Variants in DPP6 observed in about 807,000 individuals in gnomAD.
The protein encoded by DPP6 is A-type potassium channel modulatory protein DPP6.
Under a neutral mutation model 122.6 loss-of-function variants are expected in DPP6, and 69 were observed. That is an observed-to-expected ratio of 0.56 (90% confidence interval 0.46 to 0.69). The LOEUF (loss-of-function observed/expected upper bound fraction) is 0.69, where lower values mean the gene tolerates loss of function less well. Among genes scored for constraint, DPP6 ranks in the 30% least tolerant of loss-of-function variants. DPP6 has a pLI of 0.00. For synonymous variants in DPP6, 418 were observed against 433.1 expected, an observed-to-expected ratio of 0.97 and a Z score of 0.43; for missense variants, 928 against 1,116.9, an observed-to-expected ratio of 0.83 and a Z score of 2.41.
intron 7 of DPP6, among the ~76,000 whole-genome samples, chr7:154,698,422 G>A (rs908702756): frequency 2.6e-4 from 40 of 152,082 alleles, no homozygotes; most frequent in Admixed American, 2.2e-3. Context: ...GTATATTTGC[G>A]AATTGTCGTC....
intron 4 of DPP6, among the ~76,000 whole-genome samples, chr7:154,555,477 A>C (rs574558538): frequency 6.6e-6 from 1 of 151,778 alleles, no homozygotes; most frequent in Non-Finnish European, 1.5e-5. Context: ...GGGGTGGGGG[A>C]AGGGGGGACG....
the DPP6 span, among the ~76,000 whole-genome samples, chr7:153,758,981 T>G: frequency 6.6e-6 from 1 of 152,062 alleles, no homozygotes; most frequent in Non-Finnish European, 1.5e-5. Context: ...TTTTAGAATT[T>G]TATATTTCTA....
At chr7:154,023,345 C>CACACAT (rs1215219009) in intron 1 of DPP6, among the ~76,000 whole-genome samples, 1 of 151,846 alleles carries the variant, frequency 6.6e-6, no homozygotes, top group Non-Finnish European at 1.5e-5. Flanking sequence ...CACACACACA[C>CACACAT]ACACACACAC....
intron 1 of DPP6, among the ~76,000 whole-genome samples, chr7:154,015,063 A>G (rs1563101760): frequency 1.3e-5 from 2 of 152,136 alleles, no homozygotes; most frequent in Non-Finnish European, 2.9e-5. Context: ...ATGAAATGAG[A>G]AAGTAAGAAG....
chr7:154,445,398 C>T (rs996328855), intron 1 of DPP6, among the ~76,000 whole-genome samples: 4 of 152,270 alleles, frequency 2.6e-5, no homozygotes, highest in East Asian at 1.9e-4. Flanking sequence ...ATCACAGTTT[C>T]GACTAAAAGT....
intron 7 of DPP6, among the ~76,000 whole-genome samples, chr7:154,689,906 T>G (rs35112847): frequency 0.053 from 8,120 of 152,274 alleles, 297 homozygotes; most frequent in African/African-American, 0.1. Context: ...CCCATGCATT[T>G]TCTTTATTTG....
At chr7:154,339,946 G>C (rs1411348347) in intron 1 of DPP6, among the ~76,000 whole-genome samples, 1 of 152,000 alleles carries the variant, frequency 6.6e-6, no homozygotes, top group African/African-American at 2.4e-5. Context: ...GGGTGCACAC[G>C]CCTGTAATTC....
intron 7 of DPP6, among the ~76,000 whole-genome samples, chr7:154,707,645 T>C (rs553379286): frequency 6.6e-6 from 1 of 152,298 alleles, no homozygotes; most frequent in African/African-American, 2.4e-5. Flanking sequence ...AAACCTCTCA[T>C]TGATCAACAG....
At chr7:154,819,622 C>A (rs1799636943) in intron 16 of DPP6, among the ~76,000 whole-genome samples, 1 of 152,130 alleles carries the variant, frequency 6.6e-6, no homozygotes, top group Non-Finnish European at 1.5e-5. Flanking sequence ...AAGAATATCT[C>A]TCTTCAAAAT....
At chr7:154,721,617 A>T (rs1031846356) in intron 7 of DPP6, among the ~76,000 whole-genome samples, 1 of 152,244 alleles carries the variant, frequency 6.6e-6, no homozygotes, top group Non-Finnish European at 1.5e-5. Flanking sequence ...CACCAAAAGC[A>T]TAAAAAATAA....
intron 1 of DPP6, among the ~76,000 whole-genome samples, chr7:154,379,530 AC>A (rs1813414369): frequency 6.6e-6 from 1 of 152,206 alleles, no homozygotes; most frequent in Non-Finnish European, 1.5e-5. Flanking sequence ...AAAAGAATTT[AC>A]CCCACAAAAA....
intron 1 of DPP6, among the ~76,000 whole-genome samples, chr7:154,040,308 G>T (rs1799695305): frequency 7.1e-6 from 1 of 141,830 alleles, no homozygotes; most frequent in African/African-American, 3.0e-5. Flanking sequence ...TGTAAGAAGT[G>T]TTTTTTTGTC....
At chr7:154,031,111 C>T (rs1799205985) in intron 1 of DPP6, among the ~76,000 whole-genome samples, 1 of 152,052 alleles carries the variant, frequency 6.6e-6, no homozygotes, top group South Asian at 2.1e-4. Flanking sequence ...ACCATTATCC[C>T]CCAGGGCGAA....
intron 1 of DPP6, among the ~76,000 whole-genome samples, chr7:153,934,119 A>G (rs570338280): frequency 1.0e-3 from 153 of 152,282 alleles, no homozygotes; most frequent in Non-Finnish European, 1.6e-3. Context: ...GACTGCTCTC[A>G]GGGACACCAT....
intron 1 of DPP6, among the ~76,000 whole-genome samples, chr7:154,105,791 G>A (rs1482731761): frequency 6.6e-6 from 1 of 152,040 alleles, no homozygotes; most frequent in African/African-American, 2.4e-5. Context: ...CCGTGATTGT[G>A]AGGCCTCCCC....
At chr7:154,575,024 ATGTG>A (rs1831452686) in intron 5 of DPP6, among the ~76,000 whole-genome samples, 1 of 90,586 alleles carries the variant, frequency 1.1e-5, no homozygotes, top group African/African-American at 4.5e-5. Context: ...TGGGTGGTGT[ATGTG>A]TGTGGTGTGT....
At chr7:154,666,707 T>TA (rs1328657032) in intron 6 of DPP6, among the ~76,000 whole-genome samples, 2 of 152,290 alleles carry the variant, frequency 1.3e-5, no homozygotes, top group Non-Finnish European at 2.9e-5. Context: ...TGCTCAATAC[T>TA]ATTCAGCCTT....
At chr7:154,098,247 C>T (rs898483055) in intron 1 of DPP6, among the ~76,000 whole-genome samples, 10 of 152,204 alleles carry the variant, frequency 6.6e-5, no homozygotes, top group Non-Finnish European at 1.2e-4. Flanking sequence ...AGCACTTCTC[C>T]TTCCTGCTGC....
chr7:153,765,755 G>T, the DPP6 span, among the ~76,000 whole-genome samples: 2 of 152,204 alleles, frequency 1.3e-5, no homozygotes, highest in East Asian at 3.9e-4. Context: ...AACACATGTC[G>T]CCTCACCAAA....
Sources: gnomAD v4.1 joint callset for allele counts (sites outside exome capture counted in the v4.1 genomes callset) on GRCh38, gnomAD v4.1.1 for gene constraint, MANE v1.5 for transcripts, NCBI Gene and HGNC (gene_info 2026-07-23, HGNC 2026-07-21) for gene names.